SEZ6L: variants seen among roughly 807,000 people sequenced by gnomAD.
The protein encoded by SEZ6L is seizure 6-like protein.
SEZ6L carries 37 observed loss-of-function variants against 106.2 expected under a neutral mutation model. That is an observed-to-expected ratio of 0.35 (90% CI 0.27 to 0.46). The LOEUF is 0.46. Among genes scored for constraint, SEZ6L ranks in the 20% least tolerant of loss-of-function variants. SEZ6L has a pLI of 1.00. For synonymous variants in SEZ6L, 541 were observed against 570.4 expected (o/e 0.95, Z 0.73); for missense variants, 1,172 against 1,332.8 (o/e 0.88, Z 1.88).
chr22:26,334,414 T>C (rs895029452), intron 9 of SEZ6L, among the ~76,000 whole-genome samples: 3 of 152,272 alleles, frequency 2.0e-5, no homozygotes, highest in Non-Finnish European at 2.9e-5. Context: ...TTTCACTGCA[T>C]GTCATGTTTC....
chr22:26,333,160 G>A (rs771005168), intron 9 of SEZ6L, among the ~76,000 whole-genome samples: 3 of 152,232 alleles, frequency 2.0e-5, no homozygotes, highest in Non-Finnish European at 4.4e-5. Flanking sequence ...ACAAATGGCT[G>A]CTCAGGCCCT....
In SEZ6L at chr22:26,364,321, A is replaced by C. The variant is rs547819190; in HGVS notation, c.2600-1051A>C. On this transcript the variant is annotated intron_variant, in intron 12 of 16. Coordinates refer to ENST00000248933, the MANE Select transcript of SEZ6L (RefSeq NM_021115.5). ...AAACCTGCAGGTTCAACTCTCCAGT[A>C]AATACTGTGATCCTAACACCTTGGG... 2.0e-3 allele frequency among the ~76,000 whole-genome samples: 300 copies of C among 152,032 alleles called. 1 individual carries two copies. The highest frequency in any genetic ancestry group is 7.0e-3 in the African/African-American group (290 of 41,456).
At chr22:26,262,510 T>TA (rs2080048035) in intron 1 of SEZ6L, among the ~76,000 whole-genome samples, 1 of 152,226 alleles carries the variant, frequency 6.6e-6, no homozygotes, top group Admixed American at 6.5e-5. Context: ...TATGTGCCCA[T>TA]ATTGCAGCTG....
At chr22:26,313,679 C>T in intron 8 of SEZ6L, 85 bp from the exon 9 acceptor site, 3 of 1,523,728 alleles carry the variant, frequency 2.0e-6, no homozygotes, top group Non-Finnish European at 2.7e-6. Context: ...GGCTGTCTGA[C>T]TTCATAGCCC....
chr22:26,211,692 AGGTGT>A (rs1423563294), intron 1 of SEZ6L, among the ~76,000 whole-genome samples: 6 of 150,860 alleles, frequency 4.0e-5, no homozygotes, highest in Non-Finnish European at 5.9e-5. Context: ...TTTTGTAGCC[AGGTGT>A]GGTGGCTCAC....
At chr22:26,338,840 G>A (rs1016421235) in intron 9 of SEZ6L, among the ~76,000 whole-genome samples, 3 of 134,940 alleles carry the variant, frequency 2.2e-5, no homozygotes, top group African/African-American at 2.6e-5. Flanking sequence ...ATAGGCGTGA[G>A]CCACCACGCC....
At chr22:26,369,565 C>T (rs1221598307) in intron 13 of SEZ6L, among the ~76,000 whole-genome samples, 2 of 151,578 alleles carry the variant, frequency 1.3e-5, no homozygotes, top group African/African-American at 2.4e-5. Context: ...TGGTCTCGAT[C>T]TCCTGACCTC....
intron 12 of SEZ6L, chr22:26,351,505 C>CTTTGTTTT (rs1337634319): frequency 5.3e-6 from 2 of 376,938 alleles, no homozygotes; most frequent in Admixed American, 4.9e-5. Flanking sequence ...GCATAGTATA[C>CTTTGTTTT]TTTGTTTTTT....
chr22:26,325,263 G>A lies in SEZ6L; in HGVS notation c.2015+11361G>A, dbSNP rs192417122. 3.8e-3 allele frequency among the ~76,000 whole-genome samples: 574 copies of A among 152,322 alleles called. 2 individuals are homozygous for A. The highest frequency in any genetic ancestry group is 5.7e-3 in the Non-Finnish European group (388 of 68,030). On this transcript the variant is annotated intron_variant, in intron 9 of 16. Transcript: ENST00000248933. ...AGGTATGGTGTGGATACAGAGAGGG[G>A]CCAAGCTTTGGGATCATTTTTGCCC... is the stretch of plus-strand genomic sequence containing the variant.
In SEZ6L at chr22:26,232,346, T is replaced by TCACACACACA. The variant is rs10654892; in HGVS notation, c.95-60020_95-60011dup. Among the ~76,000 whole-genome samples the TCACACACACA allele has an allele frequency of 3.9e-3, 518 of 133,258 alleles. 3 individuals carry two copies. The highest frequency in any genetic ancestry group is 5.5e-3 in the Non-Finnish European group (348 of 62,966). 87.4% of individuals were successfully genotyped at this position (133,258 alleles called of 152,430 possible). ...TTAAGTCTCTCTCTCTCTCTGTCTTTCACACACACACACACACACACACAC... is the reference window on the plus strand; with the variant it reads ...TTAAGTCTCTCTCTCTCTCTGTCTTTCACACACACACACACACACACACACACACACACAC... On this transcript the variant is annotated intron_variant, in intron 1 of 16. Transcript: ENST00000248933.
intron 1 of SEZ6L, among the ~76,000 whole-genome samples, chr22:26,182,700 G>A (rs898869485): frequency 2.0e-5 from 3 of 151,876 alleles, no homozygotes; most frequent in Non-Finnish European, 4.4e-5. Context: ...ATTCAACGAG[G>A]AGCATTGACT....
At chr22:26,185,605 A>C (rs1028631750) in intron 1 of SEZ6L, among the ~76,000 whole-genome samples, 17 of 152,186 alleles carry the variant, frequency 1.1e-4, no homozygotes, top group Non-Finnish European at 2.2e-4. Context: ...GGCCATCAGT[A>C]AACTTCACCT....
In SEZ6L at chr22:26,380,317, G is replaced by A. The variant is rs2084375191; in HGVS notation, c.*22G>A. 6.2e-7 allele frequency: 1 copy of A among 1,608,512 alleles called. No homozygotes were observed. Among genetic ancestry groups the A allele is most frequent in the Admixed American group, 1.7e-5 (1 of 60,002 alleles). ...CTAAAGAGAGCTACACTTGAGAAGG[G>A]GACTTGTGAACTCAACCACAATCTC... On this transcript the variant is annotated 3_prime_UTR_variant, in exon 17 of 17. Transcript: ENST00000248933.
At chr22:26,193,657 CTTTT>C (rs1940392928) in intron 1 of SEZ6L, among the ~76,000 whole-genome samples, 1 of 152,140 alleles carries the variant, frequency 6.6e-6, no homozygotes, top group Admixed American at 6.5e-5. Flanking sequence ...TCTTTTCTTT[CTTTT>C]GTTACAATTT....
intron 12 of SEZ6L, among the ~76,000 whole-genome samples, chr22:26,354,665 G>A (rs992885294): frequency 6.6e-6 from 1 of 152,148 alleles, no homozygotes; most frequent in East Asian, 1.9e-4. Flanking sequence ...AAAGGTGGAG[G>A]CATCATTTTT....
chr22:26,373,152 A>T (rs2084096900), intron 13 of SEZ6L, among the ~76,000 whole-genome samples: 1 of 152,220 alleles, frequency 6.6e-6, no homozygotes. Flanking sequence ...ATGAGGATTA[A>T]CTGAGCAAAT....
rs199641007 is a variant in SEZ6L at position 26,369,341 on chromosome 22, C to CT, written c.2794+3779dup. Among the ~76,000 whole-genome samples, 52 of 103,766 alleles carry CT rather than the reference C, an allele frequency of 5.0e-4. 13 individuals are homozygous for CT. Among genetic ancestry groups the CT allele is most frequent in the African/African-American group, 4.8e-4 (10 of 20,672 alleles). 68.1% of individuals were successfully genotyped at this position (103,766 alleles called of 152,430 possible). A position where few individuals can be genotyped will look rare whatever the true frequency, so the allele number is the denominator to read the frequency against. On this transcript the variant is annotated intron_variant, in intron 13 of 16. Coordinates refer to ENST00000248933, the MANE Select transcript of SEZ6L (RefSeq NM_021115.5). ...ATGACAATGACTTATATAAGCAGTT[C>CT]TTTTGTTTTTTTTTTTGAGACAGAT...
At chr22:26,184,507 C>A (rs959700159) in intron 1 of SEZ6L, among the ~76,000 whole-genome samples, 2 of 152,176 alleles carry the variant, frequency 1.3e-5, no homozygotes, top group Admixed American at 1.3e-4. Context: ...CTGATTCAAC[C>A]CCAAGAAGCA....
At chr22:26,351,362 A>G (rs1418782477) in intron 12 of SEZ6L, 119 bp downstream of exon 12, 3 of 785,758 alleles carry the variant, frequency 3.8e-6, no homozygotes, top group Non-Finnish European at 6.1e-6. Context: ...GGCTTTTATT[A>G]TCATTACTAT....
Sources: allele counts gnomAD v4.1 joint callset (sites outside exome capture counted in the v4.1 genomes callset), GRCh38; gene constraint gnomAD v4.1.1; transcripts MANE v1.5; gene names NCBI Gene and HGNC (gene_info 2026-07-23, HGNC 2026-07-21).